The following RANBP17 variants were observed in gnomAD, a reference collection of about 807,000 sequenced individuals.
The protein encoded by RANBP17 is ran-binding protein 17.
RANBP17 carries 158 observed loss-of-function variants against 141.2 expected under a neutral mutation model. The observed-to-expected ratio is 1.12, with a 90% CI of 0.98 to 1.28. The LOEUF (loss-of-function observed/expected upper bound fraction) is 1.28. RANBP17 is among the 50% of genes most tolerant of loss of function. The pLI is 0.00. For synonymous variants in RANBP17, 430 were observed against 450.0 expected (o/e 0.96, Z 0.56); for missense variants, 1,438 against 1,290.7 (o/e 1.11, Z -1.75).
chr5:171,165,881 C>T (rs1759658357), intron 14 of RANBP17, among the ~76,000 whole-genome samples: 1 of 152,168 alleles, frequency 6.6e-6, no homozygotes, highest in Admixed American at 6.5e-5. Context: ...AGCATTAAAA[C>T]CACACCTTTT....
chr5:171,089,451 G>A (rs1047629320), intron 14 of RANBP17, among the ~76,000 whole-genome samples: 46 of 152,154 alleles, frequency 3.0e-4, no homozygotes, highest in African/African-American at 1.1e-3. Flanking sequence ...AGCCTACAGA[G>A]GCAGGCAGGC....
chr5:171,261,737 A>G (rs1766342419), intron 24 of RANBP17, among the ~76,000 whole-genome samples: 1 of 152,256 alleles, frequency 6.6e-6, no homozygotes. Context: ...AAAATATTTT[A>G]AACACCAAGA....
chr5:171,014,511 A>G (rs1440554247), intron 14 of RANBP17, among the ~76,000 whole-genome samples: 1 of 151,960 alleles, frequency 6.6e-6, no homozygotes, highest in Non-Finnish European at 1.5e-5. Flanking sequence ...CTTAATTATC[A>G]CTGTCCCCTT....
intron 14 of RANBP17, among the ~76,000 whole-genome samples, chr5:171,024,048 T>C (rs1352975282): frequency 6.6e-6 from 1 of 152,208 alleles, no homozygotes; most frequent in Non-Finnish European, 1.5e-5. Context: ...TTGAATCCAC[T>C]AGGAACGACA....
In RANBP17 at chr5:171,298,942, C is replaced by T. The variant is rs1768991182; in HGVS notation, c.*84C>T. The T allele has an allele frequency of 4.0e-6, 4 of 990,046 alleles. No individual in the cohort carries two copies. The highest frequency in any genetic ancestry group is 6.3e-6 in the Non-Finnish European group (4 of 638,800). 61.3% of individuals were successfully genotyped at this position (990,046 alleles called of 1,614,324 possible). On this transcript the variant is annotated 3_prime_UTR_variant, in exon 28 of 28. Transcript: ENST00000523189. ...GTCTCAGGACAGTGATGTTGGCTAGCCCAGGGGAATGTATTTTTCAAAACA... is the reference window on the plus strand; with the variant it reads ...GTCTCAGGACAGTGATGTTGGCTAGTCCAGGGGAATGTATTTTTCAAAACA...
intron 24 of RANBP17, among the ~76,000 whole-genome samples, chr5:171,261,761 A>G (rs1288670548): frequency 6.6e-6 from 1 of 152,222 alleles, no homozygotes; most frequent in Non-Finnish European, 1.5e-5. Context: ...AGGACAAAAT[A>G]TGAAAATTCA....
chr5:171,124,073 A>C (rs1756245947), intron 14 of RANBP17, among the ~76,000 whole-genome samples: 1 of 152,160 alleles, frequency 6.6e-6, no homozygotes, highest in Non-Finnish European at 1.5e-5. Context: ...AGTTCAAAAT[A>C]ATGATAAGAT....
chr5:171,123,070 C>T (rs190251788), intron 14 of RANBP17, among the ~76,000 whole-genome samples: 109 of 152,278 alleles, frequency 7.2e-4, no homozygotes, highest in African/African-American at 2.5e-3. Flanking sequence ...GCATGCACTC[C>T]CCAGAGCCTG....
chr5:171,215,525 G>A (rs922354492), intron 21 of RANBP17, among the ~76,000 whole-genome samples: 4 of 152,186 alleles, frequency 2.6e-5, no homozygotes, highest in Non-Finnish European at 4.4e-5. Context: ...CACCAACAGT[G>A]TAAAAGCATT....
At chr5:171,158,624 C>CT (rs558950417) in intron 14 of RANBP17, 2,767 of 158,450 alleles carry the variant, frequency 0.017, 6 homozygotes, top group East Asian at 0.049. Context: ...TTGTTGTAAC[C>CT]TTTTTTTTTT....
At chr5:171,134,462 G>T (rs1298824652) in intron 14 of RANBP17, among the ~76,000 whole-genome samples, 3 of 152,174 alleles carry the variant, frequency 2.0e-5, no homozygotes, top group Non-Finnish European at 4.4e-5. Flanking sequence ...CATAGTCAAA[G>T]AATCTGTTTT....
intron 24 of RANBP17, among the ~76,000 whole-genome samples, chr5:171,244,762 T>C (rs1406040117): frequency 6.6e-6 from 1 of 152,126 alleles, no homozygotes; most frequent in African/African-American, 2.4e-5. Context: ...TATTTTAATA[T>C]TGAATTTTTA....
chr5:171,237,371 G>A lies in RANBP17; in HGVS notation c.2423-3557G>A, dbSNP rs527533491. Among the ~76,000 whole-genome samples the A allele has an allele frequency of 3.3e-5, 5 of 152,248 alleles. No individual in the cohort carries two copies. The South Asian group carries it at 1.0e-3, about 32-fold the overall frequency. ...GTTGTTTTCCCTCATTATTTAATGA[G>A]ATTTCTTATACTGCTACAGCAAGTA... On this transcript the variant is annotated intron_variant, in intron 22 of 27. Coordinates refer to ENST00000523189, the MANE Select transcript of RANBP17 (RefSeq NM_022897.5).
intron 3 of RANBP17, among the ~76,000 whole-genome samples, chr5:170,889,044 A>T (rs892343573): frequency 1.3e-5 from 2 of 151,624 alleles, no homozygotes; most frequent in Non-Finnish European, 2.9e-5. Context: ...AACTAGCCTC[A>T]TATATCTTTT....
chr5:171,148,462 T>C (rs944669229), intron 14 of RANBP17, among the ~76,000 whole-genome samples: 9 of 152,154 alleles, frequency 5.9e-5, no homozygotes, highest in Non-Finnish European at 1.2e-4. Flanking sequence ...CAATATTATA[T>C]GGAAAACCCC....
At chr5:171,261,517 C>A (rs1172559183) in intron 24 of RANBP17, among the ~76,000 whole-genome samples, 1 of 152,164 alleles carries the variant, frequency 6.6e-6, no homozygotes, top group African/African-American at 2.4e-5. Flanking sequence ...TTAAGCAATT[C>A]TTTCCTATAC....
chr5:170,914,265 C>T lies in RANBP17; in HGVS notation c.834+25C>T, dbSNP rs201376826. On this transcript the variant is annotated intron_variant, in intron 8 of 27. Coordinates refer to ENST00000523189, the MANE Select transcript of RANBP17 (RefSeq NM_022897.5). ...AGTAAGTAAAAGTCATTCGTTATTT[C>T]GTTAAAAAATACCTGTGTAAATAAG... is the stretch of plus-strand genomic sequence containing the variant. The T allele has an allele frequency of 6.8e-5, 99 of 1,464,516 alleles. No homozygotes were observed. In the African/African-American group the frequency reaches 1.1e-3, roughly 16 times the overall value. The allele number at this position is 1,464,516 out of a possible 1,614,324, so 90.7% of individuals were successfully genotyped here.
chr5:171,259,619 A>G (rs915632398), intron 24 of RANBP17, among the ~76,000 whole-genome samples: 8 of 152,262 alleles, frequency 5.3e-5, no homozygotes, highest in African/African-American at 1.4e-4. Flanking sequence ...AGAAAGACAG[A>G]TACCACATGT....
intron 21 of RANBP17, among the ~76,000 whole-genome samples, chr5:171,216,922 C>T (rs1431811243): frequency 1.3e-5 from 2 of 152,132 alleles, no homozygotes; most frequent in Admixed American, 6.5e-5. Context: ...TGCCTGATTG[C>T]CCTGGTCAGA....
Sources: allele counts gnomAD v4.1 joint callset (sites outside exome capture counted in the v4.1 genomes callset), GRCh38; gene constraint gnomAD v4.1.1; transcripts MANE v1.5; gene names NCBI Gene and HGNC (gene_info 2026-07-23, HGNC 2026-07-21).